PCDH12: variants seen among roughly 807,000 people sequenced by gnomAD.
PCDH12 encodes the protein protocadherin-12.
A neutral mutation model predicts 70.9 loss-of-function variants in PCDH12; 45 were observed. That is an observed-to-expected ratio of 0.63 (90% CI 0.50 to 0.81). The LOEUF (loss-of-function observed/expected upper bound fraction) is 0.81, where lower values mean the gene tolerates loss of function less well. Among genes scored for constraint, PCDH12 ranks in the 40% least tolerant of loss-of-function variants. The pLI is 0.00. For synonymous variants in PCDH12, 567 were observed against 626.0 expected (o/e 0.91, Z 1.41); for missense variants, 1,370 against 1,491.7 (o/e 0.92, Z 1.34).
At position 141,956,972 on chromosome 5, in the gene PCDH12, T is replaced by C; in HGVS notation, c.880A>G (p.Thr294Ala). 3.1e-6 allele frequency: 5 copies of C among 1,614,150 alleles called. No homozygotes were observed. The South Asian group carries it at 3.3e-5, about 11-fold the overall frequency. Reference sequence around the variant, plus strand: ...CCTGTCTTGGCATCAATACTGAAGGTGTCCAGCACCTCTGGAGGCATGTGC... The same window carrying C: ...CCTGTCTTGGCATCAATACTGAAGGCGTCCAGCACCTCTGGAGGCATGTGC... Reference protein sequence around the residue: ...SKHMPPEVLDTFSIDAKTGQV... With the variant: ...SKHMPPEVLDAFSIDAKTGQV... Residue 294 changes from threonine (T) to alanine (A), a missense_variant, in exon 1 of 4, where the codon ACC becomes GCC. By Grantham distance (58) the Thr-to-Ala change is moderately conservative. Coordinates refer to ENST00000231484, the MANE Select transcript of PCDH12 (RefSeq NM_016580.4).
At chr5:141,948,251 A>G (rs930987420) in intron 3 of PCDH12, among the ~76,000 whole-genome samples, 2 of 152,202 alleles carry the variant, frequency 1.3e-5, no homozygotes, top group Non-Finnish European at 2.9e-5. Context: ...CCTATCTCAT[A>G]AGATTTTCTC....
rs2126915213 is a variant in PCDH12 at position 141,945,786 on chromosome 5, C to T, written c.3150G>A (p.Leu1050=). Residue 1050 remains leucine (L), a synonymous_variant, in exon 4 of 4, where the codon CTG becomes CTA. Coordinates refer to ENST00000231484, the MANE Select transcript of PCDH12 (RefSeq NM_016580.4). ...CCATCCAGGCCGGGTCAGGGGCGCT[C>T]AGCCGGTCCAGGGCCAGACCTGTGG... The part of the protein sequence containing the change: ...DPSTGLALDR[L]SAPDPAWMAR... 2 of 1,612,568 alleles carry T rather than the reference C, an allele frequency of 1.2e-6. No individual in the cohort carries two copies. Among genetic ancestry groups the T allele is most frequent in the Non-Finnish European group, 1.7e-6 (2 of 1,179,560 alleles).
At position 141,957,089 on chromosome 5, in the gene PCDH12, C is replaced by T. The variant is rs868386648; in HGVS notation, c.763G>A (p.Glu255Lys). Residue 255 changes from glutamate (E) to lysine (K), a missense_variant, in exon 1 of 4, where the codon GAA becomes AAA. Physicochemically the swap from Glu to Lys is moderately conservative, Grantham distance 56. Transcript: ENST00000231484. This position sits in a 1 kb window ranked among gnomAD's most constrained non-coding sequence, Gnocchi z 4.3. The part of the protein sequence containing the change: ...AESSLALEIQ[E>K]DAAPGTLLIK... ...AGAAGCGTACCAGGTGCAGCATCTT[C>T]TTGGATTTCCAGTGCCAGTGAACTC... is the stretch of plus-strand genomic sequence containing the variant. 1 of 1,614,180 alleles carries T rather than the reference C, an allele frequency of 6.2e-7. No homozygotes were observed. The highest frequency in any genetic ancestry group is 8.5e-7 in the Non-Finnish European group (1 of 1,180,030).
rs79625858 is a variant in PCDH12, at chr5:141,950,403, T to C, written c.2979-820A>G. 9.6e-3 allele frequency among the ~76,000 whole-genome samples: 1,457 copies of C among 152,258 alleles called. 25 individuals carry two copies. Among genetic ancestry groups the C allele is most frequent in the African/African-American group, 0.034 (1,402 of 41,540 alleles). On this transcript the variant is annotated intron_variant, in intron 2 of 3. Transcript: ENST00000231484. ...GAAATGAGCAGGGAGGTGGCAAGTG[T>C]GTGGGTGATAATGACAACTAATGTT... is the stretch of plus-strand genomic sequence containing the variant.
chr5:141,945,830 T>C lies in PCDH12; in HGVS notation c.3131-25A>G, dbSNP rs927566249. 3.1e-6 allele frequency: 5 copies of C among 1,597,582 alleles called. No individual in the cohort carries two copies. The Admixed American group carries it at 6.7e-5, about 22-fold the overall frequency. On this transcript the variant is annotated intron_variant, in intron 3 of 3. Transcript: ENST00000231484. ...CCTGTGGGGGAAGGAGGGGACACAG[T>C]GAGGGCCAGGCTCCGGGAAGGGCCA...
In PCDH12 at chr5:141,956,399, G is replaced by A. The variant is rs143358373; in HGVS notation, c.1453C>T (p.His485Tyr). 2.7e-4 allele frequency: 433 copies of A among 1,614,236 alleles called. No homozygotes were observed. The highest frequency in any genetic ancestry group is 3.3e-4 in the Middle Eastern group (2 of 6,062). The change falls in exon 1 of 4, where the codon CAT becomes TAT. Residue 485 changes from histidine to tyrosine, a missense_variant. By Grantham distance (83) the His-to-Tyr change is moderately conservative (BLOSUM62 2). Transcript: ENST00000231484. ...PSLHLITIKA[H>Y]DADLGINGKV... is the part of the protein sequence containing the mutation. ...CCATTAATGCCCAAGTCTGCATCAT[G>A]AGCCTTGATGGTAATGAGGTGAAGA...
In PCDH12 at chr5:141,945,390, C is replaced by CCTGCTGCTGCTG. The variant is rs5871792; in HGVS notation, c.3534_3545dup (p.Ser1178_Ser1181dup). 6,757 of 1,551,240 alleles carry CCTGCTGCTGCTG rather than the reference C, an allele frequency of 4.4e-3. 182 individuals are homozygous for CCTGCTGCTGCTG. The African/African-American group carries it at 0.074, about 17-fold the overall frequency. On this transcript the variant is annotated inframe_insertion, in exon 4 of 4. Coordinates refer to ENST00000231484, the MANE Select transcript of PCDH12 (RefSeq NM_016580.4). ...GGCGTCTGAGGTATGTTCACAGGCA[C>CCTGCTGCTGCTG]CTGCTGCTGCTGCTGCTGCCTCTGC...
chr5:141,948,814 G>A (rs974226516), intron 3 of PCDH12, among the ~76,000 whole-genome samples: 1 of 152,122 alleles, frequency 6.6e-6, no homozygotes, highest in Non-Finnish European at 1.5e-5. Context: ...GAGGGGATTG[G>A]TTGGAGGCTT....
At chr5:141,948,228 A>G (rs1170555311) in intron 3 of PCDH12, among the ~76,000 whole-genome samples, 1 of 152,152 alleles carries the variant, frequency 6.6e-6, no homozygotes, top group African/African-American at 2.4e-5. Context: ...TGAAATGGGG[A>G]TAATGAATAG....
Position 141,955,901 on chromosome 5 carries a change from G to A in PCDH12, c.1951C>T (p.Pro651Ser). The A allele has an allele frequency of 6.2e-7, 1 of 1,614,200 alleles. No individual in the cohort carries two copies. The highest frequency in any genetic ancestry group is 8.5e-7 in the Non-Finnish European group (1 of 1,180,042). ...TTGACGAACAGCTGCCCCGTATGAG[G>A]GTTGAGGATGAAGAGGTGGGCTTCA... ...GNEAHLFILN[P>S]HTGQLFVNVT... Residue 651 changes from proline to serine, a missense_variant, in exon 1 of 4, where the codon CCT (proline) becomes TCT (serine). By Grantham distance (74) the Pro-to-Ser change is moderately conservative. Coordinates refer to ENST00000231484, the MANE Select transcript of PCDH12 (RefSeq NM_016580.4). This position sits in a 1 kb window ranked among gnomAD's most constrained non-coding sequence, Gnocchi z 5.5.
intron 3 of PCDH12, among the ~76,000 whole-genome samples, chr5:141,946,397 TA>T (rs1006277317): frequency 1.3e-5 from 2 of 152,340 alleles, no homozygotes; most frequent in Admixed American, 6.5e-5. Flanking sequence ...TGAAAGAAGT[TA>T]AGTCACACAT....
intron 1 of PCDH12, among the ~76,000 whole-genome samples, chr5:141,953,774 C>T (rs1208244982): frequency 6.6e-6 from 1 of 152,194 alleles, no homozygotes; most frequent in Non-Finnish European, 1.5e-5. Context: ...CTGCACCGAT[C>T]CCAGGGCAAG....
intron 3 of PCDH12, among the ~76,000 whole-genome samples, chr5:141,948,391 A>G (rs537781780): frequency 2.6e-5 from 4 of 152,324 alleles, no homozygotes; most frequent in Admixed American, 6.5e-5. Flanking sequence ...GCACATGAGA[A>G]ACAGTGTTAA....
Position 141,956,170 on chromosome 5 carries a change from T to G in PCDH12, c.1682A>C (p.Asn561Thr). The G allele has an allele frequency of 1.2e-6, 2 of 1,614,122 alleles. No homozygotes were observed. Among genetic ancestry groups the G allele is most frequent in the African/African-American group, 1.3e-5 (1 of 75,028 alleles). The part of the protein sequence containing the change: ...VWVSLLDAND[N>T]APEVVQPVLS... The stretch of plus-strand genomic sequence containing the variant: ...CACAGGCTGGACCACCTCTGGGGCA[T>G]TATCATTGGCATCCAAGAGGCTGAC... The change falls in exon 1 of 4, where the codon AAT becomes ACT. Residue 561 changes from asparagine to threonine, a missense_variant. Asn to Thr is a moderately conservative substitution (Grantham distance 65, BLOSUM62 0). Coordinates refer to ENST00000231484, the MANE Select transcript of PCDH12 (RefSeq NM_016580.4).
In PCDH12 at chr5:141,956,993, T is replaced by C. The variant is rs1208637040; in HGVS notation, c.859A>G (p.Met287Val). Residue 287 changes from methionine to valine, a missense_variant, in exon 1 of 4, where the codon ATG becomes GTG. Physicochemically the swap from Met to Val is conservative, Grantham distance 21 (BLOSUM62 1). Transcript: ENST00000231484. ...AAGGTGTCCAGCACCTCTGGAGGCA[T>C]GTGCTTACTGAGGAAGAACTCCACC... The part of the protein sequence containing the change: ...GEVEFFLSKH[M>V]PPEVLDTFSI... 3 of 1,614,086 alleles carry C rather than the reference T, an allele frequency of 1.9e-6. No individual in the cohort carries two copies. Among genetic ancestry groups the C allele is most frequent in the Non-Finnish European group, 2.5e-6 (3 of 1,180,038 alleles).
At chr5:141,951,650 C>A in intron 1 of PCDH12, 60 bp from the exon 2 acceptor site, 1 of 1,230,234 alleles carries the variant, frequency 8.1e-7, no homozygotes, top group South Asian at 1.2e-5. Flanking sequence ...ACTTCCTCGC[C>A]GGATGTTTCC....
At chr5:141,954,556 T>C (rs1366640294) in intron 1 of PCDH12, among the ~76,000 whole-genome samples, 1 of 152,172 alleles carries the variant, frequency 6.6e-6, no homozygotes, top group Non-Finnish European at 1.5e-5. Flanking sequence ...TCCTCTGTGG[T>C]TCAGAGCTAG....
intron 3 of PCDH12, among the ~76,000 whole-genome samples, chr5:141,948,193 C>G (rs1315548960): frequency 1.3e-5 from 2 of 152,084 alleles, no homozygotes; most frequent in African/African-American, 4.8e-5. Context: ...TATGAAACAC[C>G]CCTGACCCTC....
In PCDH12 at chr5:141,949,274, A is replaced by G. The variant is rs1253264381; in HGVS notation, c.3130+158T>C. 5 of 977,622 alleles carry G rather than the reference A, an allele frequency of 5.1e-6. No homozygotes were observed. The African/African-American group carries it at 8.8e-5, about 17-fold the overall frequency. The allele number at this position is 977,622 out of a possible 1,614,324, so 60.6% of individuals were successfully genotyped here. Reference sequence around the variant, plus strand: ...CAAAGTAGAACCTGGTCTTTAAAATACTTTCTGAGGCTGCAAGGGTGCAAG... The same window carrying G: ...CAAAGTAGAACCTGGTCTTTAAAATGCTTTCTGAGGCTGCAAGGGTGCAAG... On this transcript the variant is annotated intron_variant, in intron 3 of 3. Coordinates refer to ENST00000231484, the MANE Select transcript of PCDH12 (RefSeq NM_016580.4).
Sources: gnomAD v4.1 joint callset for allele counts (sites outside exome capture counted in the v4.1 genomes callset) on GRCh38, gnomAD v4.1.1 for gene constraint, Gnocchi (gnomAD v3.1) non-coding constraint, MANE v1.5 for transcripts, NCBI Gene and HGNC (gene_info 2026-07-23, HGNC 2026-07-21) for gene names.